The following UGT2A1 variants were observed in gnomAD, a reference collection of about 807,000 sequenced individuals.
The protein encoded by UGT2A1 is UDP-glucuronosyltransferase 2A1.
In UGT2A1, 61 loss-of-function variants were observed where a neutral mutation model predicts 45.4. The ratio of observed to expected loss-of-function variants is 1.34; its 90% CI spans 1.09 to 1.66. The LOEUF is 1.66. Ranked by LOEUF, UGT2A1 falls within the 40% of genes most tolerant of loss-of-function variation. The pLI is 0.00. For synonymous variants in UGT2A1, 229 were observed against 196.2 expected (o/e 1.17, Z -1.40); for missense variants, 649 against 574.3 (o/e 1.13, Z -1.33).
intron 3 of UGT2A1, among the ~76,000 whole-genome samples, chr4:69,620,806 G>A (rs1720707797): frequency 1.3e-5 from 2 of 151,676 alleles, no homozygotes; most frequent in Admixed American, 1.3e-4. Context: ...ATAGACAAAG[G>A]AAACAGAATA....
Position 69,627,509 on chromosome 4 carries a change from A to AAAAGAAAGAAAGAAG in UGT2A1, c.847+8167_847+8181dup, listed in dbSNP as rs1721134909. Among the ~76,000 whole-genome samples the AAAAGAAAGAAAGAAG allele has an allele frequency of 1.3e-5, 2 of 149,554 alleles. 1 individual carries two copies. Among genetic ancestry groups the AAAAGAAAGAAAGAAG allele is most frequent in the East Asian group, 3.9e-4 (2 of 5,096 alleles). ...GCAGGCATGCAGGAAGGAAGGAAGG[A>AAAAGAAAGAAAGAAG]AAAGAAAGAAAGAAGAAAGAAAGAA... On this transcript the variant is annotated intron_variant, in intron 3 of 6. Coordinates refer to ENST00000286604, the MANE Select transcript of UGT2A1 (RefSeq NM_001252275.3).
Position 69,645,034 on chromosome 4 carries a change from T to C in UGT2A1, c.715+1896A>G, listed in dbSNP as rs181912085. On this transcript the variant is annotated intron_variant, in intron 2 of 6. Coordinates refer to ENST00000286604, the MANE Select transcript of UGT2A1 (RefSeq NM_001252275.3). ...CTGTTTTACACAGTGCACTTCGTCA[T>C]CTTTAAATTATTTTTAATAGCATTT... is the stretch of plus-strand genomic sequence containing the variant. Among the ~76,000 whole-genome samples, 544 of 151,878 alleles carry C rather than the reference T, an allele frequency of 3.6e-3. 2 individuals are homozygous for C. Among genetic ancestry groups the C allele is most frequent in the African/African-American group, 0.013 (523 of 41,518 alleles).
rs71671445 is a variant in UGT2A1 at position 69,597,715 on chromosome 4, A to AACAC, written c.996+1527_996+1530dup. Among the ~76,000 whole-genome samples the AACAC allele has an allele frequency of 5.1e-3, 766 of 150,350 alleles. 5 individuals are homozygous for AACAC. Among genetic ancestry groups the AACAC allele is most frequent in the Non-Finnish European group, 5.5e-3 (373 of 67,414 alleles). ...CAAACAGATATTAATTCATTAAAAT[A>AACAC]ACACACACACACACACACACAAACA... On this transcript the variant is annotated intron_variant, in intron 4 of 6. Coordinates refer to ENST00000286604, the MANE Select transcript of UGT2A1 (RefSeq NM_001252275.3).
chr4:69,632,724 T>C (rs1159712151), intron 3 of UGT2A1, among the ~76,000 whole-genome samples: 1 of 151,686 alleles, frequency 6.6e-6, no homozygotes, highest in Admixed American at 6.6e-5. Flanking sequence ...CCTGTCTCTA[T>C]TAAAAATACA....
chr4:69,628,748 T>A (rs1721227329), intron 3 of UGT2A1, among the ~76,000 whole-genome samples: 1 of 147,980 alleles, frequency 6.8e-6, no homozygotes, highest in African/African-American at 2.5e-5. Flanking sequence ...TACTTCTACT[T>A]AATACTAAAT....
intron 2 of UGT2A1, among the ~76,000 whole-genome samples, chr4:69,643,381 A>G (rs1336608892): frequency 6.6e-6 from 1 of 151,688 alleles, no homozygotes; most frequent in Non-Finnish European, 1.5e-5. Context: ...TATGACATCA[A>G]AGCTTTGATA....
chr4:69,640,655 C>A (rs370071832), intron 2 of UGT2A1, among the ~76,000 whole-genome samples: 9 of 151,784 alleles, frequency 5.9e-5, no homozygotes, highest in African/African-American at 2.2e-4. Context: ...AAATAAGTGA[C>A]AGATTTTAAG....
At chr4:69,637,531 A>G (rs972700884) in intron 2 of UGT2A1, among the ~76,000 whole-genome samples, 3 of 152,090 alleles carry the variant, frequency 2.0e-5, no homozygotes, top group Non-Finnish European at 4.4e-5. Flanking sequence ...CTTTTCCTCC[A>G]GGGATCTTAT....
chr4:69,592,636 G>A (rs1718653492), intron 6 of UGT2A1, among the ~76,000 whole-genome samples: 1 of 152,066 alleles, frequency 6.6e-6, no homozygotes, highest in Non-Finnish European at 1.5e-5. Flanking sequence ...ACTAATTTGT[G>A]AACTATTGGA....
chr4:69,650,513 A>G (rs1233021919), intron 1 of UGT2A1, among the ~76,000 whole-genome samples: 1 of 152,076 alleles, frequency 6.6e-6, no homozygotes, highest in Non-Finnish European at 1.5e-5. Flanking sequence ...TAAAATGAAA[A>G]TTAAAAACAA....
chr4:69,634,196 G>A (rs1268195643), intron 3 of UGT2A1, among the ~76,000 whole-genome samples: 2 of 152,054 alleles, frequency 1.3e-5, no homozygotes, highest in Non-Finnish European at 1.5e-5. Flanking sequence ...AGTGAGCCGA[G>A]ATCGCGCCAC....
chr4:69,630,021 A>G (rs116563617), intron 3 of UGT2A1, among the ~76,000 whole-genome samples: 2,505 of 152,220 alleles, frequency 0.016, 75 homozygotes, highest in African/African-American at 0.058. Context: ...CCACATGAAA[A>G]ATAATTTACT....
chr4:69,599,615 G>A, intron 3 of UGT2A1: 4 of 516,062 alleles, frequency 7.8e-6, no homozygotes, highest in South Asian at 5.6e-5. Context: ...GAGGAAGGGA[G>A]GAAGGCAGGC....
rs1719570703 is a variant in UGT2A1 at position 69,605,763 on chromosome 4, T to C, written c.848-6369A>G. On this transcript the variant is annotated intron_variant, in intron 3 of 6. Transcript: ENST00000286604. ...GATATCACCACCGATCCCACAGAAA[T>C]ACAAAGTACCATCAGAGAATACTAT... 1.5e-5 allele frequency among the ~76,000 whole-genome samples: 2 copies of C among 136,516 alleles called. 1 individual carries two copies. The highest frequency in any genetic ancestry group is 5.9e-5 in the African/African-American group (2 of 33,658). The allele number at this position is 136,516 out of a possible 152,430, so 89.6% of individuals were successfully genotyped here.
intron 4 of UGT2A1, among the ~76,000 whole-genome samples, chr4:69,598,522 A>G (rs1032740954): frequency 6.6e-6 from 1 of 152,146 alleles, no homozygotes; most frequent in African/African-American, 2.4e-5. Flanking sequence ...AAGAACCAAT[A>G]CAACATTTGT....
intron 2 of UGT2A1, among the ~76,000 whole-genome samples, chr4:69,640,892 G>A (rs1445401014): frequency 6.6e-6 from 1 of 151,748 alleles, no homozygotes; most frequent in Admixed American, 6.6e-5. Context: ...AATCTTAATG[G>A]TCTTCAAAAT....
chr4:69,639,202 T>G, intron 2 of UGT2A1: 1 of 1,613,736 alleles, frequency 6.2e-7, no homozygotes, highest in Non-Finnish European at 8.5e-7. Flanking sequence ...TTCTGAAGTC[T>G]TGCCATCAAC....
chr4:69,632,083 G>T (rs779720966), intron 3 of UGT2A1, among the ~76,000 whole-genome samples: 3 of 152,008 alleles, frequency 2.0e-5, no homozygotes, highest in African/African-American at 4.8e-5. Flanking sequence ...TTTTGAAAGA[G>T]ATTCACGAAA....
intron 1 of UGT2A1, among the ~76,000 whole-genome samples, chr4:69,649,484 G>A (rs1722422231): frequency 1.3e-5 from 2 of 152,034 alleles, no homozygotes; most frequent in South Asian, 4.1e-4. Context: ...TCCAGTTTTA[G>A]ACAACTAAAA....
Sources: allele counts gnomAD v4.1 joint callset (sites outside exome capture counted in the v4.1 genomes callset), GRCh38; gene constraint gnomAD v4.1.1; transcripts MANE v1.5; gene names NCBI Gene and HGNC (gene_info 2026-07-23, HGNC 2026-07-21).